Variants in ATP8A2 observed in about 807,000 individuals in gnomAD.
The protein encoded by ATP8A2 is ATPase phospholipid transporting 8A2.
Under a neutral mutation model 165.6 loss-of-function variants are expected in ATP8A2, and 100 were observed. The ratio of observed to expected loss-of-function variants is 0.60; its 90% CI spans 0.51 to 0.71. The LOEUF (loss-of-function observed/expected upper bound fraction) is 0.71. Ranked by LOEUF, ATP8A2 falls within the 30% of genes least tolerant of loss-of-function variation. The pLI is 0.00. For synonymous variants in ATP8A2, 543 were observed against 548.8 expected, an observed-to-expected ratio of 0.99 and a Z score of 0.15; for missense variants, 1,227 against 1,479.5, an observed-to-expected ratio of 0.83 and a Z score of 2.80.
chr13:25,755,278 C>T (rs2044236849), intron 25 of ATP8A2, among the ~76,000 whole-genome samples: 1 of 152,178 alleles, frequency 6.6e-6, no homozygotes, highest in Non-Finnish European at 1.5e-5. Context: ...TAGCTCCCAG[C>T]TTCACCCAGG....
chr13:25,405,921 C>G (rs145029943), intron 1 of ATP8A2, among the ~76,000 whole-genome samples: 65 of 152,290 alleles, frequency 4.3e-4, no homozygotes, highest in African/African-American at 1.5e-3. Context: ...CCACTCATGT[C>G]TTCTCTCAAC....
In ATP8A2 at chr13:25,750,663, G is replaced by A. The variant is rs773411151; in HGVS notation, c.2385-18383G>A. Among the ~76,000 whole-genome samples the A allele has an allele frequency of 1.3e-5, 2 of 152,110 alleles. No individual in the cohort carries two copies. Among genetic ancestry groups the A allele is most frequent in the South Asian group, 4.1e-4 (2 of 4,822 alleles). ...AGGGAGGAAGTGTGGGGAGCCTGGGGGCCCTGTCGGCAGGTACCTCATATG... is the reference window on the plus strand; with the variant it reads ...AGGGAGGAAGTGTGGGGAGCCTGGGAGCCCTGTCGGCAGGTACCTCATATG... On this transcript the variant is annotated intron_variant, in intron 25 of 36. Transcript: ENST00000381655. The surrounding 1 kb of genome is among the most constrained non-coding windows in gnomAD (Gnocchi z 4.3).
intron 24 of ATP8A2, among the ~76,000 whole-genome samples, chr13:25,590,945 C>G (rs1427068782): frequency 6.6e-6 from 1 of 152,086 alleles, no homozygotes; most frequent in Non-Finnish European, 1.5e-5. Context: ...GAATTCATCT[C>G]GGTACACCTC....
At position 26,024,871 on chromosome 13, in the gene ATP8A2, G is replaced by A. The variant is rs1490485607; in HGVS notation, c.*4886G>A. On this transcript the variant is annotated 3_prime_UTR_variant, in exon 37 of 37. Coordinates refer to ENST00000381655, the MANE Select transcript of ATP8A2 (RefSeq NM_016529.6). ...TGGCTTTGATTTATGACAGAAAGAGGAAGAAGAAAGTTGGAGTAATAGCAC... is the reference window on the plus strand; with the variant it reads ...TGGCTTTGATTTATGACAGAAAGAGAAAGAAGAAAGTTGGAGTAATAGCAC... The A allele has an allele frequency of 6.6e-6, 1 of 152,128 alleles. No individual in the cohort carries two copies. Among genetic ancestry groups the A allele is most frequent in the Admixed American group, 6.5e-5 (1 of 15,274 alleles). The allele number at this position is 152,128 out of a possible 1,614,324, so 9.4% of individuals were successfully genotyped here. A position where few individuals can be genotyped will look rare whatever the true frequency, so the allele number is the denominator to read the frequency against.
chr13:25,997,910 G>A (rs1008294595), intron 35 of ATP8A2, among the ~76,000 whole-genome samples: 3 of 152,000 alleles, frequency 2.0e-5, no homozygotes, highest in Non-Finnish European at 2.9e-5. Flanking sequence ...TGTTTCTGAC[G>A]TCTTGGTGTT....
chr13:25,857,332 C>A (rs568246168), intron 30 of ATP8A2, among the ~76,000 whole-genome samples: 34 of 152,258 alleles, frequency 2.2e-4, no homozygotes, highest in African/African-American at 7.9e-4. Context: ...AGCTCCCTAT[C>A]TAAAATAGCC....
chr13:25,468,808 G>A (rs2035747524), intron 1 of ATP8A2, 169 bp from the exon 2 acceptor site: 1 of 982,850 alleles, frequency 1.0e-6, no homozygotes, highest in African/African-American at 1.7e-5. Context: ...GGCTGCCGCG[G>A]CACAGGCGGC....
intron 13 of ATP8A2, among the ~76,000 whole-genome samples, chr13:25,557,667 A>T (rs2039020781): frequency 6.6e-6 from 1 of 152,162 alleles, no homozygotes; most frequent in South Asian, 2.1e-4. Flanking sequence ...TTGTTAGTTT[A>T]GCACAGTGTG....
chr13:25,483,226 T>C (rs539731780), intron 2 of ATP8A2, among the ~76,000 whole-genome samples: 1 of 152,320 alleles, frequency 6.6e-6, no homozygotes, highest in East Asian at 1.9e-4. Context: ...GACAGAGCAC[T>C]AGGCAAGTGT....
chr13:25,509,894 G>A (rs1593426904), intron 2 of ATP8A2, among the ~76,000 whole-genome samples: 2 of 152,160 alleles, frequency 1.3e-5, no homozygotes, highest in African/African-American at 4.8e-5. Context: ...TTAAACATCA[G>A]TTCTCTGAGG....
At chr13:25,789,185 A>C (rs2045104534) in intron 27 of ATP8A2, among the ~76,000 whole-genome samples, 2 of 152,212 alleles carry the variant, frequency 1.3e-5, no homozygotes, top group Non-Finnish European at 2.9e-5. Flanking sequence ...GCTTGGAATT[A>C]AGTTAAAATT....
intron 36 of ATP8A2, among the ~76,000 whole-genome samples, chr13:26,019,593 G>T (rs1262591630): frequency 6.6e-6 from 1 of 152,186 alleles, no homozygotes; most frequent in Non-Finnish European, 1.5e-5. Flanking sequence ...CACTGTGTGT[G>T]ATTCCCACAC....
chr13:25,471,726 T>C (rs1027125632), intron 2 of ATP8A2, among the ~76,000 whole-genome samples: 1 of 152,168 alleles, frequency 6.6e-6, no homozygotes. Context: ...CCCAGACTGA[T>C]TGTATTATTA....
intron 2 of ATP8A2, among the ~76,000 whole-genome samples, chr13:25,522,313 T>G: frequency 6.6e-6 from 1 of 151,754 alleles, no homozygotes; most frequent in East Asian, 1.9e-4. Context: ...TTTTGTATGT[T>G]GATTTTGTAT....
At chr13:25,396,144 G>T (rs1264019224) in intron 1 of ATP8A2, among the ~76,000 whole-genome samples, 2 of 152,102 alleles carry the variant, frequency 1.3e-5, no homozygotes, top group Non-Finnish European at 2.9e-5. Flanking sequence ...GCCCAGCCCT[G>T]ATCCAATGTT....
intron 9 of ATP8A2, among the ~76,000 whole-genome samples, chr13:25,542,597 C>G (rs1566244520): frequency 6.6e-6 from 1 of 152,072 alleles, no homozygotes; most frequent in Non-Finnish European, 1.5e-5. Context: ...CCATGTTTGT[C>G]TAGAGCCTCT....
intron 24 of ATP8A2, among the ~76,000 whole-genome samples, chr13:25,647,803 A>G (rs1341010319): frequency 2.0e-4 from 31 of 151,566 alleles, no homozygotes. Flanking sequence ...CTCCTGCCTC[A>G]GCCTCCCAAG....
At chr13:25,567,086 G>C (rs1333827542) in intron 16 of ATP8A2, 2 of 274,562 alleles carry the variant, frequency 7.3e-6, no homozygotes, top group African/African-American at 4.5e-5. Context: ...CTTCTCTGGG[G>C]ACCCCCTACA....
chr13:25,684,163 A>C (rs796169946), intron 24 of ATP8A2, among the ~76,000 whole-genome samples: 3 of 152,320 alleles, frequency 2.0e-5, no homozygotes, highest in African/African-American at 7.2e-5. Flanking sequence ...TGTGACGTTG[A>C]TCTTATTGAC....
Sources: gnomAD v4.1 joint callset for allele counts (sites outside exome capture counted in the v4.1 genomes callset) on GRCh38, gnomAD v4.1.1 for gene constraint, Gnocchi (gnomAD v3.1) non-coding constraint, MANE v1.5 for transcripts, NCBI Gene and HGNC (gene_info 2026-07-23, HGNC 2026-07-21) for gene names.